Variants in FAF2 observed in about 807,000 individuals in gnomAD.
FAF2 encodes FAS-associated factor 2.
A neutral mutation model predicts 62.3 loss-of-function variants in FAF2; 9 were observed. The observed-to-expected ratio is 0.14, with a 90% CI of 0.09 to 0.25. The LOEUF is 0.25. Ranked by LOEUF, FAF2 falls within the 10% of genes least tolerant of loss-of-function variation. The probability of loss-of-function intolerance (pLI) is 1.00; values close to 1 mark genes in which losing one functional copy is unlikely to be tolerated. For missense variants in FAF2, 368 were observed against 556.2 expected (o/e 0.66, Z 3.40); for synonymous variants, 202 against 198.0 (o/e 1.02, Z -0.17).
chr5:176,494,561 A>T lies in FAF2; in HGVS notation c.661+286A>T, dbSNP rs1198769408. ...TTTTTGTTTTTATTTAATTAATTAA[A>T]AAAATTTTTTTGAGATGGAGTCTTG... On this transcript the variant is annotated intron_variant, in intron 7 of 10. Transcript: ENST00000261942. The surrounding 1 kb of genome is among the most constrained non-coding windows in gnomAD (Gnocchi z 4.0). 6.6e-6 allele frequency among the ~76,000 whole-genome samples: 1 copy of T among 152,098 alleles called. No homozygotes were observed. The highest frequency in any genetic ancestry group is 1.9e-4 in the East Asian group (1 of 5,190).
At chr5:176,472,650 G>A (rs1758592127) in intron 1 of FAF2, among the ~76,000 whole-genome samples, 1 of 150,862 alleles carries the variant, frequency 6.6e-6, no homozygotes, top group Non-Finnish European at 1.5e-5. Context: ...GGGAGGCTGA[G>A]GTGGGAGGAT....
At chr5:176,458,485 C>A (rs1350813285) in intron 1 of FAF2, among the ~76,000 whole-genome samples, 2 of 135,060 alleles carry the variant, frequency 1.5e-5, no homozygotes, top group Admixed American at 8.6e-5. Context: ...TCTCGGCTCA[C>A]TGCAACCTCC....
intron 7 of FAF2, among the ~76,000 whole-genome samples, chr5:176,495,136 A>G (rs1367546675): frequency 1.3e-5 from 2 of 152,224 alleles, no homozygotes; most frequent in African/African-American, 4.8e-5. Flanking sequence ...GTATTTTTAG[A>G]CGGTTAGTAA....
At chr5:176,495,718 G>T (rs1759047727) in intron 7 of FAF2, among the ~76,000 whole-genome samples, 1 of 151,830 alleles carries the variant, frequency 6.6e-6, no homozygotes. Flanking sequence ...CATTATGTTG[G>T]CCAGGCTGGT....
intron 1 of FAF2, among the ~76,000 whole-genome samples, chr5:176,462,700 G>T (rs987566264): frequency 1.3e-5 from 2 of 152,150 alleles, no homozygotes; most frequent in African/African-American, 4.8e-5. Flanking sequence ...CAAGTTTTAA[G>T]ATTGAAAAGT....
At chr5:176,501,063 G>T (rs1008355328) in intron 10 of FAF2, among the ~76,000 whole-genome samples, 1 of 151,978 alleles carries the variant, frequency 6.6e-6, no homozygotes, top group Non-Finnish European at 1.5e-5. Flanking sequence ...GGAGACGGAG[G>T]TAGCAGTGAG....
In FAF2 at chr5:176,492,316, A is replaced by T; in HGVS notation, c.467A>T (p.Gln156Leu). ...GGGAGGGCACACCCTGTCTTCTACCAGGGAACGTACAGCCAGGTCAGTGCC... is the reference window on the plus strand; with the variant it reads ...GGGAGGGCACACCCTGTCTTCTACCTGGGAACGTACAGCCAGGTCAGTGCC... ...KYGRAHPVFY[Q>L]GTYSQALNDA... The change falls in exon 5 of 11, where the codon CAG becomes CTG. Residue 156 changes from glutamine (Q) to leucine (L), a missense_variant. By Grantham distance (113) the Gln-to-Leu change is moderately radical (BLOSUM62 -2). Around this residue, in one of 2 missense-constraint regions of FAF2, gnomAD observed 331 missense variants for 441.9 expected, o/e 0.75. Transcript: ENST00000261942. 6.2e-7 allele frequency: 1 copy of T among 1,613,944 alleles called. No individual in the cohort carries two copies. The highest frequency in any genetic ancestry group is 8.5e-7 in the Non-Finnish European group (1 of 1,179,910).
chr5:176,459,525 TTTTG>T (rs1259705300), intron 1 of FAF2, among the ~76,000 whole-genome samples: 4 of 152,050 alleles, frequency 2.6e-5, no homozygotes, highest in Non-Finnish European at 4.4e-5. Flanking sequence ...TCAGCTTCTT[TTTTG>T]TTTGTTTGTT....
intron 1 of FAF2, among the ~76,000 whole-genome samples, chr5:176,449,070 C>G (rs1758120583): frequency 6.6e-6 from 1 of 152,194 alleles, no homozygotes; most frequent in Non-Finnish European, 1.5e-5. Flanking sequence ...GGATTTATTA[C>G]TTTTGGCTTA....
At chr5:176,502,865 T>C (rs759330129) in intron 10 of FAF2, among the ~76,000 whole-genome samples, 1 of 151,570 alleles carries the variant, frequency 6.6e-6, no homozygotes, top group Non-Finnish European at 1.5e-5. Flanking sequence ...CTGGCCAATA[T>C]GGTGAAACGC....
rs11027 is a variant in FAF2, at chr5:176,509,515, T to C, written c.*2565T>C. Reference sequence around the variant, plus strand: ...CCACGACTGAAGTTGTAGATTGAGCTGAATAACCATGGGAAGTGACCAAGC... The same window carrying C: ...CCACGACTGAAGTTGTAGATTGAGCCGAATAACCATGGGAAGTGACCAAGC... On this transcript the variant is annotated 3_prime_UTR_variant, in exon 11 of 11. Coordinates refer to ENST00000261942, the MANE Select transcript of FAF2 (RefSeq NM_014613.3). 0.36 allele frequency: 55,495 copies of C among 152,290 alleles called. 11,835 individuals carry two copies. The highest frequency in any genetic ancestry group is 0.45 in the Non-Finnish European group (30,788 of 67,962). The allele number at this position is 152,290 out of a possible 1,614,324, so 9.4% of individuals were successfully genotyped here.
intron 1 of FAF2, among the ~76,000 whole-genome samples, chr5:176,458,209 G>A (rs1490437044): frequency 1.3e-5 from 2 of 152,014 alleles, no homozygotes; most frequent in Non-Finnish European, 2.9e-5. Flanking sequence ...CCCTTCTTGC[G>A]TAGCTGGGAC....
chr5:176,453,847 A>C (rs1165950507), intron 1 of FAF2: 1 of 151,756 alleles, frequency 6.6e-6, no homozygotes, highest in Admixed American at 6.6e-5. Context: ...CGAGGTCAGG[A>C]GTTCAAGACC....
At position 176,498,444 on chromosome 5, in the gene FAF2, T is replaced by C. The variant is rs545370383; in HGVS notation, c.840-470T>C. 2.0e-5 allele frequency among the ~76,000 whole-genome samples: 3 copies of C among 152,348 alleles called. No individual in the cohort carries two copies. The South Asian group carries it at 6.2e-4, about 32-fold the overall frequency. On this transcript the variant is annotated intron_variant, in intron 8 of 10. Coordinates refer to ENST00000261942, the MANE Select transcript of FAF2 (RefSeq NM_014613.3). Reference sequence around the variant, plus strand: ...AAAATAGGAGATATGCCAAATGTTATAATGTTTTATCTTTGATTAGTGATT... The same window carrying C: ...AAAATAGGAGATATGCCAAATGTTACAATGTTTTATCTTTGATTAGTGATT...
At position 176,500,194 on chromosome 5, in the gene FAF2, A is replaced by G. The variant is rs1755570326; in HGVS notation, c.1155+48A>G. On this transcript the variant is annotated intron_variant, in intron 10 of 10. Coordinates refer to ENST00000261942, the MANE Select transcript of FAF2 (RefSeq NM_014613.3). ...GAAGTGTATGTAGCATCTGGGCTATAGATTTGGAGCTTTTACTGACTCTTG... is the reference window on the plus strand; with the variant it reads ...GAAGTGTATGTAGCATCTGGGCTATGGATTTGGAGCTTTTACTGACTCTTG... 1.9e-6 allele frequency: 3 copies of G among 1,584,980 alleles called. No individual in the cohort carries two copies. The East Asian group carries it at 6.7e-5, about 35-fold the overall frequency.
At chr5:176,482,552 A>AG (rs1375579783) in intron 2 of FAF2, among the ~76,000 whole-genome samples, 1 of 152,182 alleles carries the variant, frequency 6.6e-6, no homozygotes, top group Non-Finnish European at 1.5e-5. Context: ...TCTGTTGCCC[A>AG]GGCTGGAGTA....
At chr5:176,458,880 T>C (rs1334401082) in intron 1 of FAF2, among the ~76,000 whole-genome samples, 2 of 152,176 alleles carry the variant, frequency 1.3e-5, no homozygotes, top group Non-Finnish European at 2.9e-5. Flanking sequence ...CATGCCTCCC[T>C]TGCTCTTCCC....
intron 1 of FAF2, among the ~76,000 whole-genome samples, chr5:176,469,116 G>T (rs907457198): frequency 9.2e-5 from 14 of 152,014 alleles, no homozygotes; most frequent in African/African-American, 3.1e-4. Flanking sequence ...GTGGTAGCAT[G>T]TGCCTGTAAT....
chr5:176,458,047 T>C (rs1382952172), intron 1 of FAF2, among the ~76,000 whole-genome samples: 1 of 152,130 alleles, frequency 6.6e-6, no homozygotes, highest in Non-Finnish European at 1.5e-5. Context: ...TCCAGAATAA[T>C]ATTTCTATTC....
Sources: gnomAD v4.1 joint callset for allele counts (sites outside exome capture counted in the v4.1 genomes callset) on GRCh38, gnomAD v4.1.1 for gene constraint, gnomAD v4.1.1 regional missense constraint, Gnocchi (gnomAD v3.1) non-coding constraint, MANE v1.5 for transcripts, NCBI Gene and HGNC (gene_info 2026-07-23, HGNC 2026-07-21) for gene names.